The following UGT2B4 variants were observed in gnomAD, a reference collection of about 807,000 sequenced individuals.
The protein encoded by UGT2B4 is UDP glucuronosyltransferase family 2 member B4.
UGT2B4 carries 49 observed loss-of-function variants against 49.8 expected under a neutral mutation model. The ratio of observed to expected loss-of-function variants is 0.98; its 90% CI spans 0.78 to 1.25. The LOEUF (loss-of-function observed/expected upper bound fraction) is 1.25, where lower values mean the gene tolerates loss of function less well. Ranked by LOEUF, UGT2B4 falls within the 50% of genes most tolerant of loss-of-function variation. The pLI, the probability that UGT2B4 is intolerant of heterozygous loss-of-function variation, is 0.00. For missense variants in UGT2B4, 729 were observed against 627.7 expected (o/e 1.16, Z -1.73); for synonymous variants, 246 against 217.7 (o/e 1.13, Z -1.14).
chr4:69,502,114 T>TTTCTTTCTTTCTTTCTTTC lies in UGT2B4; in HGVS notation c.-105-6167_-105-6149dup, dbSNP rs1258777807. On this transcript the variant is annotated intron_variant, in intron 1 of 1. Coordinates refer to the UGT2B4 transcript ENST00000510114. Reference sequence around the variant, plus strand: ...CTCTCTTTCTTTCTTTCTTTCTTTCTTTCTTTCTTTCTTTCTTTCTTTCTT... The same window carrying TTTCTTTCTTTCTTTCTTTC: ...CTCTCTTTCTTTCTTTCTTTCTTTCTTTCTTTCTTTCTTTCTTTCTTCTTTCTTTCTTTCTTTCTTTCTT... 1.4e-3 allele frequency among the ~76,000 whole-genome samples: 181 copies of TTTCTTTCTTTCTTTCTTTC among 129,006 alleles called. 1 individual carries two copies. Among genetic ancestry groups the TTTCTTTCTTTCTTTCTTTC allele is most frequent in the Admixed American group, 1.7e-3 (21 of 12,568 alleles). The allele number at this position is 129,006 out of a possible 152,430, so 84.6% of individuals were successfully genotyped here. A position where few individuals can be genotyped will look rare whatever the true frequency, so the allele number is the denominator to read the frequency against.
intron 1 of UGT2B4, among the ~76,000 whole-genome samples, chr4:69,519,172 GT>G (rs1728793196): frequency 6.6e-6 from 1 of 152,070 alleles, no homozygotes; most frequent in African/African-American, 2.4e-5. Flanking sequence ...CTAGTTTTAG[GT>G]AAAAAGATTT....
intron 3 of UGT2B4, among the ~76,000 whole-genome samples, chr4:69,487,102 G>C (rs1450535103): frequency 1.3e-5 from 2 of 152,162 alleles, no homozygotes; most frequent in Non-Finnish European, 2.9e-5. Flanking sequence ...TTGTGATGTT[G>C]TATAGAAAAA....
intron 5 of UGT2B4, among the ~76,000 whole-genome samples, chr4:69,484,697 A>G (rs1376476783): frequency 6.6e-6 from 1 of 152,146 alleles, no homozygotes; most frequent in Non-Finnish European, 1.5e-5. Flanking sequence ...CTAAAATTAT[A>G]TGATGGTGAT....
At chr4:69,493,209 T>C (rs1413506215) in intron 2 of UGT2B4, among the ~76,000 whole-genome samples, 2 of 152,122 alleles carry the variant, frequency 1.3e-5, no homozygotes, top group Non-Finnish European at 1.5e-5. Flanking sequence ...ATCTAAATTA[T>C]TAATATCAGT....
intron 1 of UGT2B4, among the ~76,000 whole-genome samples, chr4:69,513,919 G>C (rs564192212): frequency 1.3e-5 from 2 of 152,136 alleles, no homozygotes; most frequent in Admixed American, 1.3e-4. Flanking sequence ...TTTGCATATT[G>C]ATTTTATATC....
At chr4:69,487,917 A>G (rs1254037630) in intron 3 of UGT2B4, among the ~76,000 whole-genome samples, 1 of 152,028 alleles carries the variant, frequency 6.6e-6, no homozygotes, top group Non-Finnish European at 1.5e-5. Context: ...ATATTAATTT[A>G]TTCATTTTTT....
intron 1 of UGT2B4, among the ~76,000 whole-genome samples, chr4:69,509,274 C>T (rs1055103523): frequency 2.9e-4 from 43 of 149,180 alleles, no homozygotes; most frequent in African/African-American, 9.4e-4. Context: ...CAGGCTGAAG[C>T]AATTCTCCTG....
At chr4:69,510,050 A>C (rs1728569009) in intron 1 of UGT2B4, among the ~76,000 whole-genome samples, 2 of 152,220 alleles carry the variant, frequency 1.3e-5, no homozygotes, top group Middle Eastern at 3.4e-3. Flanking sequence ...AGTAAGGATA[A>C]AATTTTATTT....
At chr4:69,497,226 C>T (rs527546304), upstream of UGT2B4, among the ~76,000 whole-genome samples, 2 of 152,302 alleles carry the variant, frequency 1.3e-5, no homozygotes, top group African/African-American at 4.8e-5. Context: ...CAGCTGCTCT[C>T]AAGGACCCCA....
Position 69,493,771 on chromosome 4 carries a change from A to G in UGT2B4, c.792T>C (p.Phe264=). 1 of 1,612,350 alleles carries G rather than the reference A, an allele frequency of 6.2e-7. No individual in the cohort carries two copies. The highest frequency in any genetic ancestry group is 8.5e-7 in the Non-Finnish European group (1 of 1,179,208). The change falls in exon 2 of 6, where the codon TTT becomes TTC. Residue 264 remains phenylalanine (F), a synonymous_variant. Coordinates refer to ENST00000305107, the MANE Select transcript of UGT2B4 (RefSeq NM_021139.3). The part of the protein sequence containing the change: ...DIWLIRNYWD[F]QFPHPLLPNV... Reference sequence around the variant, plus strand: ...TTGGTAAGAGTGGGTGAGGAAATTGAAAATCCCAGTAGTTTCGAATAAGCC... The same window carrying G: ...TTGGTAAGAGTGGGTGAGGAAATTGGAAATCCCAGTAGTTTCGAATAAGCC...
At chr4:69,513,282 A>C (rs1004212021) in intron 1 of UGT2B4, among the ~76,000 whole-genome samples, 1 of 152,196 alleles carries the variant, frequency 6.6e-6, no homozygotes, top group African/African-American at 2.4e-5. Context: ...GAAGGTGTCC[A>C]GTCTCAATTT....
chr4:69,497,822 A>C (rs192742563), upstream of UGT2B4, among the ~76,000 whole-genome samples: 2 of 152,372 alleles, frequency 1.3e-5, no homozygotes, highest in East Asian at 3.9e-4. Flanking sequence ...AAGTACCACT[A>C]TGGGAAAATT....
upstream of UGT2B4, among the ~76,000 whole-genome samples, chr4:69,498,199 A>G (rs545511640): frequency 6.6e-6 from 1 of 152,332 alleles, no homozygotes; most frequent in Non-Finnish European, 1.5e-5. Context: ...ACTTTATTGC[A>G]TGTTTTGCTT....
Position 69,495,654 on chromosome 4 carries a change from A to G in UGT2B4, c.208T>C (p.Ser70Pro), listed in dbSNP as rs1463966355. ...GGATAAACTTCAAATTTAAGAGTAG[A>G]TGGGCTGTTGGGATCGAAAGAAATG... ...ASISFDPNSP[S>P]TLKFEVYPVS... The change falls in exon 1 of 6, where the codon TCT becomes CCT. Residue 70 changes from serine (S) to proline (P), a missense_variant. Coordinates refer to ENST00000305107, the MANE Select transcript of UGT2B4 (RefSeq NM_021139.3). 9 of 1,613,908 alleles carry G rather than the reference A, an allele frequency of 5.6e-6. No individual in the cohort carries two copies. The highest frequency in any genetic ancestry group is 6.8e-6 in the Non-Finnish European group (8 of 1,179,984).
At chr4:69,487,263 C>T (rs1258918936) in intron 3 of UGT2B4, among the ~76,000 whole-genome samples, 1 of 152,096 alleles carries the variant, frequency 6.6e-6, no homozygotes, top group African/African-American at 2.4e-5. Flanking sequence ...TTAGAACATG[C>T]ACATGTATGT....
intron 1 of UGT2B4, among the ~76,000 whole-genome samples, chr4:69,510,977 C>CCTTTTTTTTTTT (rs1486311871): frequency 3.1e-5 from 3 of 98,168 alleles, no homozygotes; most frequent in African/African-American, 7.3e-5. Flanking sequence ...AATACTCTTT[C>CCTTTTTTTTTTT]TTTTCTTTTC....
intron 1 of UGT2B4, among the ~76,000 whole-genome samples, chr4:69,516,876 C>T (rs1288073120): frequency 6.9e-6 from 1 of 144,530 alleles, no homozygotes; most frequent in Non-Finnish European, 1.5e-5. Flanking sequence ...CCAAAGGCTT[C>T]TTTTTTTTTT....
chr4:69,483,227 T>C (rs1166806522), intron 5 of UGT2B4, among the ~76,000 whole-genome samples: 1 of 151,500 alleles, frequency 6.6e-6, no homozygotes, highest in African/African-American at 2.5e-5. Context: ...TATGGCTGGA[T>C]CTTATACTCT....
At chr4:69,504,109 C>T (rs1167718661) in intron 1 of UGT2B4, among the ~76,000 whole-genome samples, 2 of 151,892 alleles carry the variant, frequency 1.3e-5, no homozygotes, top group African/African-American at 4.8e-5. Context: ...GATGACAGGC[C>T]CACAAAGGTA....
Sources: allele counts gnomAD v4.1 joint callset (sites outside exome capture counted in the v4.1 genomes callset), GRCh38; gene constraint gnomAD v4.1.1; transcripts MANE v1.5; gene names NCBI Gene and HGNC (gene_info 2026-07-23, HGNC 2026-07-21).